The following ARHGEF19 variants were observed in gnomAD, a reference collection of about 807,000 sequenced individuals.
ARHGEF19 encodes the protein Rho guanine nucleotide exchange factor 19, also known as Rho guanine nucleotide exchange factor (GEF) 19.
Under a neutral mutation model 87.6 loss-of-function variants are expected in ARHGEF19, and 92 were observed. That is an observed-to-expected ratio of 1.05 (90% CI 0.89 to 1.25). The LOEUF is 1.25. Ranked by LOEUF, ARHGEF19 falls within the 50% of genes most tolerant of loss-of-function variation. ARHGEF19 has a pLI of 0.00. For synonymous variants in ARHGEF19, 438 were observed against 446.2 expected, an observed-to-expected ratio of 0.98 and a Z score of 0.23; for missense variants, 1,054 against 1,051.8, an observed-to-expected ratio of 1.00 and a Z score of -0.03.
Position 16,207,883 on chromosome 1 carries a change from G to GGGGCC in ARHGEF19, c.694+60_694+61insGGCCC. 6.8e-7 allele frequency: 1 copy of GGGGCC among 1,476,432 alleles called. No homozygotes were observed. The allele number at this position is 1,476,432 out of a possible 1,614,324, so 91.5% of individuals were successfully genotyped here. A position where few individuals can be genotyped will look rare whatever the true frequency, so the allele number is the denominator to read the frequency against. The stretch of plus-strand genomic sequence containing the variant: ...CTCAGGCGGCCGGTGAGTGGGCATC[G>GGGGCC]CCCACCCCCACCCCCACCCGGCATC... On this transcript the variant is annotated intron_variant, in intron 3 of 15. Transcript: ENST00000270747. The surrounding 1 kb of genome is among the most constrained non-coding windows in gnomAD (Gnocchi z 4.0).
intron 2 of ARHGEF19, 74 bp downstream of exon 2, chr1:16,208,569 G>T: frequency 1.3e-6 from 2 of 1,487,352 alleles, no homozygotes; most frequent in Non-Finnish European, 1.8e-6. Flanking sequence ...GGACATAAAG[G>T]TTAAGGAGCT....
rs2081143434 is a variant in ARHGEF19, at chr1:16,206,978, C to T, written c.1107G>A (p.Thr369=). 5 of 1,511,536 alleles carry T rather than the reference C, an allele frequency of 3.3e-6. No homozygotes were observed. Among genetic ancestry groups the T allele is most frequent in the South Asian group, 1.2e-5 (1 of 81,484 alleles). The allele number at this position is 1,511,536 out of a possible 1,614,324, so 93.6% of individuals were successfully genotyped here. A position where few individuals can be genotyped will look rare whatever the true frequency, so the allele number is the denominator to read the frequency against. Residue 369 remains threonine (T), a synonymous_variant, in exon 6 of 16, where the codon ACG becomes ACA. Transcript: ENST00000270747. This position sits in a 1 kb window ranked among gnomAD's most constrained non-coding sequence, Gnocchi z 4.6. ...GCAGCTTGCAGTCCCGCAGGCTCAGCGTGGCCAGGACGCCGCTGCCGCGTA... is the reference window on the plus strand; with the variant it reads ...GCAGCTTGCAGTCCCGCAGGCTCAGTGTGGCCAGGACGCCGCTGCCGCGTA... ...PDVRGSGVLA[T]LSLRDCKLQE...
intron 14 of ARHGEF19, among the ~76,000 whole-genome samples, chr1:16,200,555 T>G (rs1393576594): frequency 6.6e-6 from 1 of 151,490 alleles, no homozygotes; most frequent in Non-Finnish European, 1.5e-5. Context: ...CCAGCCATGG[T>G]CAACATGGCA....
Position 16,206,648 on chromosome 1 carries a change from T to C in ARHGEF19, c.1137+300A>G. The C allele has an allele frequency of 6.5e-6, 3 of 464,904 alleles. No homozygotes were observed. Among genetic ancestry groups the C allele is most frequent in the Non-Finnish European group, 1.2e-5 (3 of 259,228 alleles). The allele number at this position is 464,904 out of a possible 1,614,324, so 28.8% of individuals were successfully genotyped here. On this transcript the variant is annotated intron_variant, in intron 6 of 15. Transcript: ENST00000270747. The surrounding 1 kb of genome is among the most constrained non-coding windows in gnomAD (Gnocchi z 4.6). ...CCTTGTTCCGCGCCCACCAGGCGTT[T>C]GCTCTTCCAATGGTTCCGCTCCTCA...
chr1:16,202,549 G>A lies in ARHGEF19; in HGVS notation c.1933C>T (p.His645Tyr), dbSNP rs2081092360. The A allele has an allele frequency of 2.5e-6, 4 of 1,613,824 alleles. No homozygotes were observed. Among genetic ancestry groups the A allele is most frequent in the Non-Finnish European group, 1.7e-6 (2 of 1,179,724 alleles). ...KELGKFAVFVHAKMAELQVRD... is the reference protein window; with the variant it reads ...KELGKFAVFVYAKMAELQVRD... ...ACCTGCAGCTCAGCCATCTTGGCAT[G>A]GACGAAAACGGCAAACTTCCCTAGC... The change falls in exon 13 of 16, where the codon CAT becomes TAT. Residue 645 changes from histidine to tyrosine, a missense_variant. Transcript: ENST00000270747.
Position 16,205,712 on chromosome 1 carries a change from C to T in ARHGEF19, c.1452-45G>A, listed in dbSNP as rs373804618. ...CTGGAATCACAGGTAGGCCTGAATT[C>T]CTGGGATCCACAACCCTGGCCATCC... On this transcript the variant is annotated intron_variant, in intron 8 of 15. Transcript: ENST00000270747. The surrounding 1 kb of genome is among the most constrained non-coding windows in gnomAD (Gnocchi z 5.8). 6 of 1,564,882 alleles carry T rather than the reference C, an allele frequency of 3.8e-6. No homozygotes were observed. The highest frequency in any genetic ancestry group is 4.3e-6 in the Non-Finnish European group (5 of 1,156,912).
chr1:16,207,843 AG>A lies in ARHGEF19; in HGVS notation c.695-67del, dbSNP rs1226537699. On this transcript the variant is annotated intron_variant, in intron 3 of 15. Coordinates refer to ENST00000270747, the MANE Select transcript of ARHGEF19 (RefSeq NM_153213.5). This position sits in a 1 kb window ranked among gnomAD's most constrained non-coding sequence, Gnocchi z 4.0. ...GGGCCTGGGGCCTGGGCCCCGGCCC[AG>A]GCACCCTGACGGCCTCAGGCGGCCG... 1.3e-6 allele frequency: 2 copies of A among 1,587,510 alleles called. No individual in the cohort carries two copies. The highest frequency in any genetic ancestry group is 2.7e-5 in the African/African-American group (2 of 73,464).
At position 16,198,856 on chromosome 1, in the gene ARHGEF19, G is replaced by T; in HGVS notation, c.2252-112C>A. The T allele has an allele frequency of 7.4e-7, 1 of 1,351,142 alleles. No individual in the cohort carries two copies. Among genetic ancestry groups the T allele is most frequent in the Non-Finnish European group, 1.0e-6 (1 of 997,954 alleles). The allele number at this position is 1,351,142 out of a possible 1,614,324, so 83.7% of individuals were successfully genotyped here. A position where few individuals can be genotyped will look rare whatever the true frequency, so the allele number is the denominator to read the frequency against. On this transcript the variant is annotated intron_variant, in intron 15 of 15. Transcript: ENST00000270747. The surrounding 1 kb of genome is among the most constrained non-coding windows in gnomAD (Gnocchi z 4.1). ...TTGTCTGCACCCTTGGGGCCAAGGT[G>T]ACATCATCTCAGCATCTCTCAGCTC...
Position 16,208,238 on chromosome 1 carries a change from G to T in ARHGEF19, c.413-13C>A. ...CGCATCTTGCGCCCTAGGGTTGGGG[G>T]CAAGGAGTGAGAGCACGGGCTGGGG... On this transcript the variant is annotated splice_polypyrimidine_tract_variant and intron_variant, in intron 2 of 15. Transcript: ENST00000270747. 1 of 1,608,432 alleles carries T rather than the reference G, an allele frequency of 6.2e-7. No individual in the cohort carries two copies. The highest frequency in any genetic ancestry group is 8.5e-7 in the Non-Finnish European group (1 of 1,176,640).
rs779135813 is a variant in ARHGEF19, at chr1:16,207,251, C to T, written c.875-41G>A. On this transcript the variant is annotated intron_variant, in intron 5 of 15. Transcript: ENST00000270747. This position sits in a 1 kb window ranked among gnomAD's most constrained non-coding sequence, Gnocchi z 4.0. ...GCGGGGGAGAGCGTGGGGCGCCCGC[C>T]AGCCCCTGCCCGGCTTTTCCTCGGT... The T allele has an allele frequency of 2.4e-5, 35 of 1,470,126 alleles. No homozygotes were observed. The African/African-American group carries it at 4.4e-4, about 19-fold the overall frequency. The allele number at this position is 1,470,126 out of a possible 1,614,324, so 91.1% of individuals were successfully genotyped here. A position where few individuals can be genotyped will look rare whatever the true frequency, so the allele number is the denominator to read the frequency against.
At chr1:16,209,215 T>A in intron 1 of ARHGEF19, 132 bp from the exon 2 acceptor site, 1 of 549,232 alleles carries the variant, frequency 1.8e-6, no homozygotes, top group South Asian at 6.2e-5. Context: ...CTCACATGTC[T>A]AATTATATAG....
Position 16,205,295 on chromosome 1 carries a change from C to T in ARHGEF19, c.1656+56G>A. 1 of 1,611,562 alleles carries T rather than the reference C, an allele frequency of 6.2e-7. No homozygotes were observed. ...AGCTGGGGGCTGTTTTAGAGACGTG[C>T]TGGGGGTCCAGGGGGGGCCTCAGGA... On this transcript the variant is annotated intron_variant, in intron 10 of 15. Coordinates refer to ENST00000270747, the MANE Select transcript of ARHGEF19 (RefSeq NM_153213.5). This position sits in a 1 kb window ranked among gnomAD's most constrained non-coding sequence, Gnocchi z 5.8.
At position 16,208,745 on chromosome 1, in the gene ARHGEF19, G is replaced by T; in HGVS notation, c.310C>A (p.His104Asn). The T allele has an allele frequency of 6.2e-7, 1 of 1,611,814 alleles. No homozygotes were observed. Among genetic ancestry groups the T allele is most frequent in the Non-Finnish European group, 8.5e-7 (1 of 1,179,232 alleles). ...GCTGGGGGCTGGGCACCAGGACAGT[G>T]TGGCCAGCTGCCAGCCCTGCTGGGC... The part of the protein sequence containing the change: ...MRPSRAGSWP[H>N]CPGAQPPALE... The change falls in exon 2 of 16, where the codon CAC becomes AAC. Residue 104 changes from histidine (H) to asparagine (N), a missense_variant. Coordinates refer to ENST00000270747, the MANE Select transcript of ARHGEF19 (RefSeq NM_153213.5).
intron 1 of ARHGEF19, among the ~76,000 whole-genome samples, chr1:16,209,680 G>A (rs941232464): frequency 2.0e-5 from 3 of 152,168 alleles, no homozygotes; most frequent in Non-Finnish European, 4.4e-5. Context: ...TGACCCGTCC[G>A]ATATTTACAC....
Position 16,198,884 on chromosome 1 carries a change from G to A in ARHGEF19, c.2252-140C>T, listed in dbSNP as rs893927257. 37 of 1,148,036 alleles carry A rather than the reference G, an allele frequency of 3.2e-5. No individual in the cohort carries two copies. Among genetic ancestry groups the A allele is most frequent in the Non-Finnish European group, 4.4e-5 (36 of 824,032 alleles). 71.1% of individuals were successfully genotyped at this position (1,148,036 alleles called of 1,614,324 possible). A position where few individuals can be genotyped will look rare whatever the true frequency, so the allele number is the denominator to read the frequency against. ...ATCATCTCAGCATCTCTCAGCTCCA[G>A]GAAGGACCCTGTCTTGAGCTGTCTT... On this transcript the variant is annotated intron_variant, in intron 15 of 15. Transcript: ENST00000270747. This position sits in a 1 kb window ranked among gnomAD's most constrained non-coding sequence, Gnocchi z 4.1.
In ARHGEF19 at chr1:16,206,824, G is replaced by A. The variant is rs2081141327; in HGVS notation, c.1137+124C>T. On this transcript the variant is annotated intron_variant, in intron 6 of 15. Coordinates refer to ENST00000270747, the MANE Select transcript of ARHGEF19 (RefSeq NM_153213.5). This position sits in a 1 kb window ranked among gnomAD's most constrained non-coding sequence, Gnocchi z 4.6. ...AGGTCCTAGAGCCAACCTTCCGCGCGGACAGTCGCGCCAGCAACCCCCTTT... is the reference window on the plus strand; with the variant it reads ...AGGTCCTAGAGCCAACCTTCCGCGCAGACAGTCGCGCCAGCAACCCCCTTT... 2.4e-6 allele frequency: 3 copies of A among 1,235,484 alleles called. No individual in the cohort carries two copies. Among genetic ancestry groups the A allele is most frequent in the East Asian group, 3.1e-5 (1 of 32,596 alleles). The allele number at this position is 1,235,484 out of a possible 1,614,324, so 76.5% of individuals were successfully genotyped here.
Position 16,206,897 on chromosome 1 carries a change from C to G in ARHGEF19, c.1137+51G>C. ...CCCGGTTCCCGCTAAGTCCCCGGAC[C>G]GCGTACTCCCCGGCCCGCCCCCGCC... On this transcript the variant is annotated intron_variant, in intron 6 of 15. Transcript: ENST00000270747. The surrounding 1 kb of genome is among the most constrained non-coding windows in gnomAD (Gnocchi z 4.6). The G allele has an allele frequency of 7.1e-7, 1 of 1,413,250 alleles. No individual in the cohort carries two copies. The highest frequency in any genetic ancestry group is 1.5e-5 in the African/African-American group (1 of 65,996). The allele number at this position is 1,413,250 out of a possible 1,614,324, so 87.5% of individuals were successfully genotyped here. A position where few individuals can be genotyped will look rare whatever the true frequency, so the allele number is the denominator to read the frequency against.
chr1:16,211,129 C>T (rs1163938630), intron 1 of ARHGEF19, among the ~76,000 whole-genome samples: 1 of 152,212 alleles, frequency 6.6e-6, no homozygotes, highest in African/African-American at 2.4e-5. Flanking sequence ...GTCTCCTCAT[C>T]CGGCAAATAG....
chr1:16,199,032 C>T (rs2081062499), intron 15 of ARHGEF19, 118 bp downstream of exon 15: 1 of 1,027,248 alleles, frequency 9.7e-7, no homozygotes, highest in African/African-American at 1.6e-5. Flanking sequence ...TAACCTGATT[C>T]CCACATGCTG....
Sources: allele counts gnomAD v4.1 joint callset (sites outside exome capture counted in the v4.1 genomes callset), GRCh38; gene constraint gnomAD v4.1.1; non-coding constraint Gnocchi (gnomAD v3.1); transcripts MANE v1.5; gene names NCBI Gene and HGNC (gene_info 2026-07-23, HGNC 2026-07-21).